The following PHF14 variants were observed in gnomAD, a reference collection of about 807,000 sequenced individuals.
PHF14 encodes PHD finger protein 14.
Under a neutral mutation model 117.9 loss-of-function variants are expected in PHF14, and 55 were observed. That is an observed-to-expected ratio of 0.47 (90% CI 0.38 to 0.58). The LOEUF (loss-of-function observed/expected upper bound fraction) is 0.58. Among genes scored for constraint, PHF14 ranks in the 20% least tolerant of loss-of-function variants. The probability of loss-of-function intolerance (pLI) is 0.00; values close to 1 mark genes in which losing one functional copy is unlikely to be tolerated. For missense variants in PHF14, 978 were observed against 1,122.2 expected, an observed-to-expected ratio of 0.87 and a Z score of 1.84; for synonymous variants, 409 against 368.6, an observed-to-expected ratio of 1.11 and a Z score of -1.26.
chr7:11,004,524 C>A (rs532290793), intron 4 of PHF14, among the ~76,000 whole-genome samples: 1 of 152,066 alleles, frequency 6.6e-6, no homozygotes, highest in South Asian at 2.1e-4. Flanking sequence ...TGTGTTATAT[C>A]TCTTTAGTCT....
intron 4 of PHF14, among the ~76,000 whole-genome samples, chr7:10,994,349 G>A (rs559800284): frequency 6.6e-6 from 1 of 151,974 alleles, no homozygotes; most frequent in African/African-American, 2.4e-5. Flanking sequence ...TGAGGCAGGA[G>A]AATGGCTTGA....
At chr7:11,086,731 A>G (rs1180076912) in intron 16 of PHF14, among the ~76,000 whole-genome samples, 2 of 152,136 alleles carry the variant, frequency 1.3e-5, no homozygotes, top group Non-Finnish European at 2.9e-5. Flanking sequence ...TGTTATTTTT[A>G]TATACAAAAC....
intron 14 of PHF14, among the ~76,000 whole-genome samples, chr7:11,057,822 C>T (rs1296077704): frequency 1.3e-5 from 2 of 151,978 alleles, no homozygotes; most frequent in Admixed American, 1.3e-4. Context: ...AGATTACGAG[C>T]AAGGTGATTT....
At chr7:10,991,700 GGTATT>G (rs1164797695) in intron 4 of PHF14, among the ~76,000 whole-genome samples, 2 of 149,798 alleles carry the variant, frequency 1.3e-5, no homozygotes, top group African/African-American at 4.9e-5. Flanking sequence ...TCGGTGTTCT[GGTATT>G]GTATTTTATG....
At chr7:11,019,876 C>G (rs561152038) in intron 5 of PHF14, among the ~76,000 whole-genome samples, 1 of 152,092 alleles carries the variant, frequency 6.6e-6, no homozygotes, top group Non-Finnish European at 1.5e-5. Context: ...CTATAAACCT[C>G]CCTCTTAGTA....
At chr7:11,001,145 A>G (rs1782858346) in intron 4 of PHF14, among the ~76,000 whole-genome samples, 2 of 152,146 alleles carry the variant, frequency 1.3e-5, no homozygotes, top group Non-Finnish European at 2.9e-5. Flanking sequence ...CATTTGTTAA[A>G]AAAGCTGTCT....
chr7:10,974,868 C>T lies in PHF14; in HGVS notation c.35C>T (p.Pro12Leu). The T allele has an allele frequency of 6.3e-7, 1 of 1,593,606 alleles. No homozygotes were observed. The highest frequency in any genetic ancestry group is 8.6e-7 in the Non-Finnish European group (1 of 1,169,284). ...DRSSKRRQVK[P>L]LAASLLEALD... ...AGCTCCAAGAGGAGGCAGGTGAAGC[C>T]TTTGGCAGCTTCTCTGCTGGAAGCT... Residue 12 changes from proline to leucine, a missense_variant, in exon 2 of 18, where the codon CCT (proline) becomes CTT (leucine). Coordinates refer to ENST00000634607, the MANE Select transcript of PHF14 (RefSeq NM_001007157.2).
At chr7:11,043,573 T>C (rs1214916459) in intron 13 of PHF14, among the ~76,000 whole-genome samples, 2 of 152,168 alleles carry the variant, frequency 1.3e-5, no homozygotes, top group African/African-American at 2.4e-5. Flanking sequence ...TCAAATACAT[T>C]AGGCATATTT....
intron 4 of PHF14, among the ~76,000 whole-genome samples, chr7:10,991,681 C>G (rs1359155110): frequency 6.8e-6 from 1 of 147,710 alleles, no homozygotes; most frequent in East Asian, 2.0e-4. Context: ...ATCAGTGTTT[C>G]TTTAAAGGTC....
At chr7:11,138,076 C>T (rs1026051354) in intron 17 of PHF14, among the ~76,000 whole-genome samples, 10 of 149,660 alleles carry the variant, frequency 6.7e-5, no homozygotes, top group African/African-American at 2.5e-4. Flanking sequence ...TTTGCTCTGT[C>T]ACCCAGCAGG....
chr7:11,127,707 CTT>C, intron 17 of PHF14, among the ~76,000 whole-genome samples: 1 of 152,200 alleles, frequency 6.6e-6, no homozygotes, highest in South Asian at 2.1e-4. Context: ...ATTCTTCAGA[CTT>C]CTCCTTTAAT....
intron 17 of PHF14, among the ~76,000 whole-genome samples, chr7:11,117,162 A>G (rs959991479): frequency 6.6e-6 from 1 of 151,932 alleles, no homozygotes; most frequent in Non-Finnish European, 1.5e-5. Context: ...AATATCCATC[A>G]TGTACTTTAT....
At chr7:11,087,554 T>C (rs920016219) in intron 16 of PHF14, among the ~76,000 whole-genome samples, 22 of 152,188 alleles carry the variant, frequency 1.4e-4, no homozygotes, top group Admixed American at 1.2e-3. Flanking sequence ...ACTATGATAT[T>C]GGGCCATAAT....
intron 3 of PHF14, among the ~76,000 whole-genome samples, chr7:10,985,796 G>T (rs1462976309): frequency 6.6e-6 from 1 of 151,650 alleles, no homozygotes; most frequent in Non-Finnish European, 1.5e-5. Flanking sequence ...GGGACTACAG[G>T]TGCATGCCAC....
intron 5 of PHF14, among the ~76,000 whole-genome samples, chr7:11,019,977 C>T (rs1783678909): frequency 6.6e-6 from 1 of 152,104 alleles, no homozygotes; most frequent in Non-Finnish European, 1.5e-5. Context: ...GTTGGGTGTC[C>T]TCCCAGCTGT....
intron 16 of PHF14, among the ~76,000 whole-genome samples, chr7:11,084,002 T>C (rs1033622822): frequency 1.3e-5 from 2 of 152,290 alleles, no homozygotes; most frequent in East Asian, 3.9e-4. Context: ...ACAGCACAAT[T>C]TGTGGTTGTT....
chr7:11,005,964 T>C (rs1218436198), intron 4 of PHF14, among the ~76,000 whole-genome samples: 1 of 152,042 alleles, frequency 6.6e-6, no homozygotes, highest in African/African-American at 2.4e-5. Context: ...GGCTATATTT[T>C]TGTATTTTGA....
chr7:11,127,537 T>C (rs185957354), intron 17 of PHF14, among the ~76,000 whole-genome samples: 1 of 152,240 alleles, frequency 6.6e-6, no homozygotes, highest in African/African-American at 2.4e-5. Flanking sequence ...TTTGCTTTGC[T>C]ACTACAGACA....
At chr7:11,094,461 C>T (rs1316716002) in intron 16 of PHF14, among the ~76,000 whole-genome samples, 1 of 152,122 alleles carries the variant, frequency 6.6e-6, no homozygotes, top group Admixed American at 6.5e-5. Flanking sequence ...CTGACTCCTC[C>T]TACTTCTCTC....
Sources: allele counts gnomAD v4.1 joint callset (sites outside exome capture counted in the v4.1 genomes callset), GRCh38; gene constraint gnomAD v4.1.1; transcripts MANE v1.5; gene names NCBI Gene and HGNC (gene_info 2026-07-23, HGNC 2026-07-21).